RGS12: variants seen among roughly 807,000 people sequenced by gnomAD.
RGS12 encodes regulator of G protein signaling 12.
In RGS12, 66 loss-of-function variants were observed where a neutral mutation model predicts 120.1. That is an observed-to-expected ratio of 0.55 (90% CI 0.45 to 0.67). The LOEUF is 0.67. RGS12 is among the 30% of genes least tolerant of loss of function. RGS12 has a pLI of 0.00. For synonymous variants in RGS12, 827 were observed against 804.7 expected (o/e 1.03, Z -0.47); for missense variants, 1,859 against 1,957.7 (o/e 0.95, Z 0.95).
At chr4:3,334,416 A>G (rs1196007499) in intron 2 of RGS12, among the ~76,000 whole-genome samples, 2 of 152,142 alleles carry the variant, frequency 1.3e-5, no homozygotes, top group East Asian at 1.9e-4. Flanking sequence ...ACACTGATGT[A>G]TTTGGTTTGC....
intron 4 of RGS12, among the ~76,000 whole-genome samples, chr4:3,392,739 A>C (rs903930137): frequency 2.6e-5 from 4 of 152,216 alleles, no homozygotes; most frequent in African/African-American, 9.7e-5. Context: ...CTGTAATCCC[A>C]GCACTTTGGG....
intron 3 of RGS12, among the ~76,000 whole-genome samples, chr4:3,368,418 GTGCC>G (rs1447012855): frequency 7.1e-6 from 1 of 140,878 alleles, no homozygotes; most frequent in Non-Finnish European, 1.6e-5. Context: ...GTGTGTGTGA[GTGCC>G]TGTGTGTGTG....
At chr4:3,301,942 A>G (rs1203803591) in intron 1 of RGS12, among the ~76,000 whole-genome samples, 1 of 151,780 alleles carries the variant, frequency 6.6e-6, no homozygotes, top group African/African-American at 2.4e-5. Context: ...GCGCACTCAT[A>G]CTAGGAAGTT....
intron 10 of RGS12, among the ~76,000 whole-genome samples, chr4:3,420,978 G>A (rs549971097): frequency 3.3e-5 from 5 of 152,378 alleles, no homozygotes; most frequent in African/African-American, 7.2e-5. Flanking sequence ...ACGAGGGAGG[G>A]AACTCAAAGT....
chr4:3,327,522 T>C lies in RGS12; in HGVS notation c.1881+9471T>C, dbSNP rs145771986. ...AGGATGGAAGAAAGTATTTCCAAAA[T>C]ATGCACCTGACAAGGGTCTAATATC... On this transcript the variant is annotated intron_variant, in intron 2 of 17. Transcript: ENST00000336727. Among the ~76,000 whole-genome samples, 52 of 152,244 alleles carry C rather than the reference T, an allele frequency of 3.4e-4. 1 individual carries two copies. The East Asian group carries it at 9.4e-3, about 28-fold the overall frequency.
At chr4:3,379,224 T>C (rs1004423215) in intron 3 of RGS12, among the ~76,000 whole-genome samples, 2 of 152,130 alleles carry the variant, frequency 1.3e-5, no homozygotes, top group Non-Finnish European at 2.9e-5. Flanking sequence ...GGTGGAGAGA[T>C]GTTGGACACA....
chr4:3,335,501 A>G (rs528533778), intron 2 of RGS12, among the ~76,000 whole-genome samples: 4 of 152,236 alleles, frequency 2.6e-5, no homozygotes, highest in African/African-American at 9.6e-5. Flanking sequence ...TCACAGCTGC[A>G]TCCCTGTCAG....
At chr4:3,413,840 A>C (rs1278048552) in intron 4 of RGS12, 1 of 515,788 alleles carries the variant, frequency 1.9e-6, no homozygotes, top group Non-Finnish European at 3.5e-6. Context: ...GTGCTCGTGC[A>C]CACACATGTG....
intron 2 of RGS12, chr4:3,342,461 A>T (rs1713334243): frequency 7.8e-7 from 1 of 1,287,468 alleles, no homozygotes; most frequent in South Asian, 1.2e-5. Context: ...ACACCAGCTG[A>T]ATGCTTAGGG....
At position 3,414,194 on chromosome 4, in the gene RGS12, T is replaced by A. The variant is rs1385311046; in HGVS notation, c.2143T>A (p.Ser715Thr). Reference protein sequence around the residue: ...RERRVASWAVSFERLLQDPVG... With the variant: ...RERRVASWAVTFERLLQDPVG... Reference sequence around the variant, plus strand: ...GAGGAGGGTCGCCAGCTGGGCCGTGTCCTTTGAGCGCCTGCTGCAGGACCC... The same window carrying A: ...GAGGAGGGTCGCCAGCTGGGCCGTGACCTTTGAGCGCCTGCTGCAGGACCC... The change falls in exon 5 of 18, where the codon TCC becomes ACC. Residue 715 changes from serine to threonine, a missense_variant. Around this residue, in one of 3 missense-constraint regions of RGS12, gnomAD observed 967 missense variants for 994.2 expected, o/e 0.97. Coordinates refer to ENST00000336727, the MANE Select transcript of RGS12 (RefSeq NM_001394154.1). 5.2e-6 allele frequency: 8 copies of A among 1,550,596 alleles called. No homozygotes were observed. Among genetic ancestry groups the A allele is most frequent in the Non-Finnish European group, 6.9e-6 (8 of 1,151,806 alleles).
At chr4:3,380,549 G>A (rs188456471) in intron 3 of RGS12, among the ~76,000 whole-genome samples, 2 of 152,304 alleles carry the variant, frequency 1.3e-5, no homozygotes, top group Admixed American at 6.5e-5. Context: ...CTTCTACTTG[G>A]ACATCCAGGC....
chr4:3,373,819 C>T (rs1717324693), intron 3 of RGS12, among the ~76,000 whole-genome samples: 2 of 152,346 alleles, frequency 1.3e-5, no homozygotes, highest in Non-Finnish European at 1.5e-5. Flanking sequence ...GCAGATTCTT[C>T]TCTCGTTTTC....
intron 3 of RGS12, among the ~76,000 whole-genome samples, chr4:3,377,126 C>G (rs541307139): frequency 6.6e-6 from 1 of 151,964 alleles, no homozygotes; most frequent in East Asian, 1.9e-4. Context: ...GGGACTGGGT[C>G]CCTCTGTGCA....
At chr4:3,300,364 GC>G (rs1723616505) in intron 1 of RGS12, among the ~76,000 whole-genome samples, 1 of 152,174 alleles carries the variant, frequency 6.6e-6, no homozygotes, top group Non-Finnish European at 1.5e-5. Flanking sequence ...CTGGAGTCCA[GC>G]CTGGGAGTTA....
intron 2 of RGS12, among the ~76,000 whole-genome samples, chr4:3,340,385 G>T (rs1030862207): frequency 3.3e-5 from 5 of 152,254 alleles, no homozygotes; most frequent in Admixed American, 1.3e-4. Context: ...GAGAGAGGAC[G>T]CTGGGGAGTC....
chr4:3,329,251 G>T (rs1460443644), intron 2 of RGS12, among the ~76,000 whole-genome samples: 1 of 152,154 alleles, frequency 6.6e-6, no homozygotes, highest in African/African-American at 2.4e-5. Context: ...GATGGAAGCT[G>T]CCCTCATGTT....
At chr4:3,328,011 T>A (rs1026184999) in intron 2 of RGS12, among the ~76,000 whole-genome samples, 2 of 152,198 alleles carry the variant, frequency 1.3e-5, no homozygotes, top group Non-Finnish European at 2.9e-5. Flanking sequence ...GGTGGATGAA[T>A]GGATAAAGGA....
intron 16 of RGS12, 21 bp from the exon 17 acceptor site, chr4:3,430,386 C>G: frequency 6.3e-7 from 1 of 1,596,456 alleles, no homozygotes; most frequent in Non-Finnish European, 8.6e-7. Context: ...AACACGGTCA[C>G]TCTGGGTTTT....
At chr4:3,324,043 T>G (rs2108703925) in intron 2 of RGS12, 1 of 152,450 alleles carries the variant, frequency 6.6e-6, no homozygotes, top group East Asian at 1.9e-4. Context: ...AGCCACAGAT[T>G]TTGGTCCCAG....
Sources: allele counts gnomAD v4.1 joint callset (sites outside exome capture counted in the v4.1 genomes callset), GRCh38; gene constraint gnomAD v4.1.1; regional missense constraint gnomAD v4.1.1; transcripts MANE v1.5; gene names NCBI Gene and HGNC (gene_info 2026-07-23, HGNC 2026-07-21).